Variants in UBE2E2 observed in about 807,000 individuals in gnomAD.
The protein encoded by UBE2E2 is ubiquitin conjugating enzyme E2 E2.
In UBE2E2, 6 loss-of-function variants were observed where a neutral mutation model predicts 24.7. That is an observed-to-expected ratio of 0.24 (90% CI 0.13 to 0.48). The LOEUF is 0.48. Ranked by LOEUF, UBE2E2 falls within the 20% of genes least tolerant of loss-of-function variation. The pLI is 0.99. For missense variants in UBE2E2, 169 were observed against 245.0 expected, an observed-to-expected ratio of 0.69 and a Z score of 2.07; for synonymous variants, 104 against 83.6, an observed-to-expected ratio of 1.24 and a Z score of -1.33.
At chr3:23,291,843 C>T (rs538945891) in intron 3 of UBE2E2, among the ~76,000 whole-genome samples, 7 of 132,014 alleles carry the variant, frequency 5.3e-5, no homozygotes, top group South Asian at 2.3e-4. Flanking sequence ...CCACCATGCC[C>T]GGCTAATTTT....
intron 3 of UBE2E2, among the ~76,000 whole-genome samples, chr3:23,337,305 A>G (rs990960256): frequency 6.6e-6 from 1 of 152,150 alleles, no homozygotes; most frequent in Non-Finnish European, 1.5e-5. Context: ...CACTATATCT[A>G]GCTAATTTTC....
intron 3 of UBE2E2, among the ~76,000 whole-genome samples, chr3:23,245,561 C>T (rs548052207): frequency 9.9e-5 from 15 of 152,188 alleles, no homozygotes; most frequent in Non-Finnish European, 2.1e-4. Context: ...AATACTACAA[C>T]TAAACTTAAT....
chr3:23,352,328 A>C lies in UBE2E2; in HGVS notation c.227+135016A>C, dbSNP rs969271424. ...CTAACATCACAATTAAAAGAGCTAGAAAAACAAGAGCAAACACATTCAAAA... is the reference window on the plus strand; with the variant it reads ...CTAACATCACAATTAAAAGAGCTAGCAAAACAAGAGCAAACACATTCAAAA... On this transcript the variant is annotated intron_variant, in intron 3 of 5. Coordinates refer to ENST00000396703, the MANE Select transcript of UBE2E2 (RefSeq NM_152653.4). Among the ~76,000 whole-genome samples, 5 of 152,312 alleles carry C rather than the reference A, an allele frequency of 3.3e-5. No homozygotes were observed. In the East Asian group the frequency reaches 9.6e-4, roughly 29 times the overall value.
intron 5 of UBE2E2, among the ~76,000 whole-genome samples, chr3:23,547,114 G>A (rs560732243): frequency 6.6e-6 from 1 of 152,324 alleles, no homozygotes; most frequent in South Asian, 2.1e-4. Flanking sequence ...TAGGATCAAG[G>A]AGCACATTTT....
chr3:23,224,465 T>G (rs1696760628), intron 3 of UBE2E2, among the ~76,000 whole-genome samples: 1 of 152,016 alleles, frequency 6.6e-6, no homozygotes, highest in Non-Finnish European at 1.5e-5. Context: ...TTATTTGCTG[T>G]TGACATATAT....
intron 3 of UBE2E2, among the ~76,000 whole-genome samples, chr3:23,481,930 A>G (rs189332737): frequency 8.7e-4 from 133 of 152,386 alleles, no homozygotes; most frequent in African/African-American, 2.9e-3. Context: ...TCTGAGAGGC[A>G]ATAATAGCTA....
intron 3 of UBE2E2, among the ~76,000 whole-genome samples, chr3:23,300,203 A>G (rs1174740585): frequency 1.3e-5 from 2 of 152,048 alleles, no homozygotes; most frequent in African/African-American, 4.8e-5. Context: ...GGTTTCCTGA[A>G]TACAGCACAC....
intron 3 of UBE2E2, among the ~76,000 whole-genome samples, chr3:23,270,753 C>T (rs1321961131): frequency 1.3e-5 from 2 of 152,174 alleles, no homozygotes; most frequent in African/African-American, 4.8e-5. Context: ...TCTGTCAGGT[C>T]TGATTTGTGT....
rs191549280 is a variant in UBE2E2, at chr3:23,395,114, G to A, written c.228-104494G>A. On this transcript the variant is annotated intron_variant, in intron 3 of 5. Coordinates refer to ENST00000396703, the MANE Select transcript of UBE2E2 (RefSeq NM_152653.4). Reference sequence around the variant, plus strand: ...CTGAGACTTGGTCAGAAGGAGGAGCGGCTCTTTGTATAGATGAACGTGTTG... The same window carrying A: ...CTGAGACTTGGTCAGAAGGAGGAGCAGCTCTTTGTATAGATGAACGTGTTG... Among the ~76,000 whole-genome samples the A allele has an allele frequency of 9.9e-5, 15 of 152,240 alleles. No homozygotes were observed. In the East Asian group the frequency reaches 2.1e-3, roughly 22 times the overall value.
chr3:23,408,064 A>T (rs1697407919), intron 3 of UBE2E2, among the ~76,000 whole-genome samples: 1 of 152,196 alleles, frequency 6.6e-6, no homozygotes, highest in Non-Finnish European at 1.5e-5. Context: ...TTATTAAAAA[A>T]TACACTAGCA....
intron 3 of UBE2E2, among the ~76,000 whole-genome samples, chr3:23,360,777 A>G (rs1234031633): frequency 6.6e-6 from 1 of 152,178 alleles, no homozygotes; most frequent in Non-Finnish European, 1.5e-5. Context: ...CACTTTTGTA[A>G]ATTTAGTATG....
intron 3 of UBE2E2, among the ~76,000 whole-genome samples, chr3:23,420,645 T>C (rs1435461759): frequency 6.6e-6 from 1 of 152,226 alleles, no homozygotes; most frequent in Non-Finnish European, 1.5e-5. Flanking sequence ...TTGATTTCTT[T>C]ACAGTATTCT....
chr3:23,208,066 C>G (rs575764731), intron 1 of UBE2E2, among the ~76,000 whole-genome samples: 2 of 152,060 alleles, frequency 1.3e-5, no homozygotes, highest in South Asian at 4.2e-4. Context: ...CAGGGTCTTG[C>G]TCTGTCACTC....
intron 5 of UBE2E2, among the ~76,000 whole-genome samples, chr3:23,562,593 TAGGG>T (rs1437294876): frequency 1.3e-5 from 2 of 152,228 alleles, no homozygotes; most frequent in Non-Finnish European, 2.9e-5. Flanking sequence ...TAAAATGAGT[TAGGG>T]AGGATTCCCT....
intron 4 of UBE2E2, among the ~76,000 whole-genome samples, chr3:23,531,930 C>G (rs1308073032): frequency 6.6e-6 from 1 of 151,802 alleles, no homozygotes; most frequent in African/African-American, 2.4e-5. Context: ...GGTGTGGTGG[C>G]GGGCACCTCT....
intron 3 of UBE2E2, among the ~76,000 whole-genome samples, chr3:23,469,033 A>G (rs1698979392): frequency 1.3e-5 from 2 of 152,192 alleles, no homozygotes. Context: ...CAGGTATAAC[A>G]AAGTACCATG....
intron 5 of UBE2E2, among the ~76,000 whole-genome samples, chr3:23,541,648 T>A (rs1471724746): frequency 6.6e-6 from 1 of 152,228 alleles, no homozygotes; most frequent in Non-Finnish European, 1.5e-5. Flanking sequence ...TGTTGCCACA[T>A]GAAGCTTTTA....
intron 3 of UBE2E2, among the ~76,000 whole-genome samples, chr3:23,352,104 G>A (rs1430468182): frequency 6.6e-6 from 1 of 152,150 alleles, no homozygotes; most frequent in East Asian, 1.9e-4. Context: ...CAACTACATG[G>A]AAACTGAACA....
intron 5 of UBE2E2, among the ~76,000 whole-genome samples, chr3:23,562,177 C>A (rs1458211187): frequency 6.6e-6 from 1 of 151,976 alleles, no homozygotes; most frequent in Admixed American, 6.6e-5. Flanking sequence ...CCAGTTTTTG[C>A]CCATTCAGTA....
Sources: gnomAD v4.1 joint callset for allele counts (sites outside exome capture counted in the v4.1 genomes callset) on GRCh38, gnomAD v4.1.1 for gene constraint, MANE v1.5 for transcripts, NCBI Gene and HGNC (gene_info 2026-07-23, HGNC 2026-07-21) for gene names.